Variants in ATP10B observed in about 807,000 individuals in gnomAD.
ATP10B encodes the protein ATPase phospholipid transporting 10B (putative), also known as phospholipid-transporting ATPase VB.
A neutral mutation model predicts 141.2 loss-of-function variants in ATP10B; 122 were observed. The ratio of observed to expected loss-of-function variants is 0.86; its 90% confidence interval spans 0.75 to 1.00. The LOEUF (loss-of-function observed/expected upper bound fraction) is 1.00, where lower values mean the gene tolerates loss of function less well. ATP10B is among the 50% of genes least tolerant of loss of function. The pLI is 0.00. For missense variants in ATP10B, 1,876 were observed against 1,825.3 expected (o/e 1.03, Z -0.51); for synonymous variants, 685 against 692.0 (o/e 0.99, Z 0.16).
chr5:160,922,667 GAAA>G, the ATP10B span, among the ~76,000 whole-genome samples: 4 of 152,146 alleles, frequency 2.6e-5, no homozygotes, highest in African/African-American at 9.7e-5. Context: ...AAACCAATCT[GAAA>G]AACAAATCTG....
rs976171697 is a variant in ATP10B, at chr5:160,654,812, T to C, written c.676-5556A>G. 6.6e-5 allele frequency among the ~76,000 whole-genome samples: 10 copies of C among 152,222 alleles called. 1 individual carries two copies. Among genetic ancestry groups the C allele is most frequent in the African/African-American group, 2.4e-4 (10 of 41,456 alleles). On this transcript the variant is annotated intron_variant, in intron 7 of 25. Coordinates refer to ENST00000327245, the MANE Select transcript of ATP10B (RefSeq NM_025153.3). ...AAGAATCAACTAAGTATTTTATACATGCCATCTTCTTTGATTCTGACAATA... is the reference window on the plus strand; with the variant it reads ...AAGAATCAACTAAGTATTTTATACACGCCATCTTCTTTGATTCTGACAATA...
chr5:160,738,445 GA>G (rs1248184615), intron 2 of ATP10B, among the ~76,000 whole-genome samples: 12 of 152,124 alleles, frequency 7.9e-5, no homozygotes, highest in African/African-American at 2.4e-4. Context: ...TGAGGCATAA[GA>G]AATGGAGATA....
chr5:160,716,301 T>A (rs1765656148), intron 3 of ATP10B, among the ~76,000 whole-genome samples: 1 of 152,248 alleles, frequency 6.6e-6, no homozygotes, highest in Non-Finnish European at 1.5e-5. Context: ...TTAACTATTA[T>A]TTTGCTGTAA....
chr5:160,623,293 T>G (rs555835038), intron 13 of ATP10B, among the ~76,000 whole-genome samples: 1 of 152,316 alleles, frequency 6.6e-6, no homozygotes, highest in East Asian at 1.9e-4. Flanking sequence ...TGAACCACAA[T>G]AGCAGATTCT....
chr5:160,763,528 A>C (rs11956165), intron 2 of ATP10B, among the ~76,000 whole-genome samples: 90,324 of 151,836 alleles, frequency 0.59, 27,493 homozygotes, highest in African/African-American at 0.72. Context: ...AATAGTGACA[A>C]AACCTATCAA....
At chr5:160,697,879 G>A (rs1388776463) in intron 3 of ATP10B, among the ~76,000 whole-genome samples, 4 of 152,082 alleles carry the variant, frequency 2.6e-5, no homozygotes, top group Non-Finnish European at 2.9e-5. Flanking sequence ...TTTAACCCCC[G>A]ATTGGTTTTC....
At chr5:160,692,567 G>A (rs780492501) in intron 3 of ATP10B, 10 of 152,186 alleles carry the variant, frequency 6.6e-5, no homozygotes, top group Non-Finnish European at 1.3e-4. Flanking sequence ...TTTTGTTTAA[G>A]ATTGAGTTTC....
At chr5:160,626,198 C>T (rs1240181464) in intron 13 of ATP10B, among the ~76,000 whole-genome samples, 1 of 152,234 alleles carries the variant, frequency 6.6e-6, no homozygotes, top group Non-Finnish European at 1.5e-5. Flanking sequence ...ATTTGTGGGG[C>T]CACCAGTTTT....
intron 7 of ATP10B, among the ~76,000 whole-genome samples, chr5:160,658,572 T>C (rs1761666489): frequency 6.6e-6 from 1 of 152,208 alleles, no homozygotes; most frequent in African/African-American, 2.4e-5. Context: ...ACAGAGTCCT[T>C]TGTTTCTGGC....
upstream of ATP10B, among the ~76,000 whole-genome samples, chr5:160,856,162 A>G (rs1581659031): frequency 6.6e-6 from 1 of 151,892 alleles, no homozygotes; most frequent in African/African-American, 2.4e-5. Flanking sequence ...CTAATTTGGG[A>G]AAAATGGACA....
In ATP10B at chr5:160,762,069, G is replaced by A. The variant is rs146647731; in HGVS notation, c.-331+23490C>T. Among the ~76,000 whole-genome samples the A allele has an allele frequency of 2.3e-3, 349 of 152,314 alleles. 1 individual carries two copies. Among genetic ancestry groups the A allele is most frequent in the Non-Finnish European group, 3.1e-3 (210 of 68,022 alleles). On this transcript the variant is annotated intron_variant, in intron 2 of 25. Coordinates refer to ENST00000327245, the MANE Select transcript of ATP10B (RefSeq NM_025153.3). ...AAGCTTCCAAGAAATTTGGGATTATGTTAAACAACCAAACATAAGAATAAT... is the reference window on the plus strand; with the variant it reads ...AAGCTTCCAAGAAATTTGGGATTATATTAAACAACCAAACATAAGAATAAT...
the ATP10B span, among the ~76,000 whole-genome samples, chr5:160,905,357 C>G: frequency 6.6e-6 from 1 of 152,192 alleles, no homozygotes; most frequent in Non-Finnish European, 1.5e-5. Context: ...TTAATCCAGC[C>G]TCTGCCATTT....
At chr5:160,585,067 ATTTCTTC>A (rs1755801103) in intron 24 of ATP10B, among the ~76,000 whole-genome samples, 1 of 152,308 alleles carries the variant, frequency 6.6e-6, no homozygotes, top group African/African-American at 2.4e-5. Context: ...CTCAATGACA[ATTTCTTC>A]AAATATTGCT....
intron 6 of ATP10B, among the ~76,000 whole-genome samples, chr5:160,679,786 A>G (rs917687436): frequency 3.3e-5 from 5 of 152,202 alleles, no homozygotes; most frequent in African/African-American, 1.2e-4. Flanking sequence ...TTTCATTACA[A>G]TAAGGAACCA....
intron 22 of ATP10B, among the ~76,000 whole-genome samples, 194 bp downstream of exon 22, chr5:160,598,576 C>A (rs891447948): frequency 5.3e-5 from 8 of 151,942 alleles, no homozygotes; most frequent in Non-Finnish European, 1.2e-4. Flanking sequence ...ACTAGTCTGG[C>A]CCAACACCCT....
intron 1 of ATP10B, among the ~76,000 whole-genome samples, chr5:160,846,648 T>C (rs563668568): frequency 6.6e-6 from 1 of 152,290 alleles, no homozygotes; most frequent in South Asian, 2.1e-4. Flanking sequence ...TATCCAGCGC[T>C]TAGTAGGTAC....
chr5:160,647,073 C>A (rs900697491), intron 8 of ATP10B, among the ~76,000 whole-genome samples: 1 of 152,130 alleles, frequency 6.6e-6, no homozygotes, highest in Non-Finnish European at 1.5e-5. Flanking sequence ...TGGTGATTGT[C>A]CCTGGTTGAG....
intron 1 of ATP10B, among the ~76,000 whole-genome samples, chr5:160,822,783 C>T (rs1774206300): frequency 6.6e-6 from 1 of 151,418 alleles, no homozygotes; most frequent in African/African-American, 2.4e-5. Flanking sequence ...TTCACATATT[C>T]TCACTTATTT....
chr5:160,607,244 A>G (rs1757446996), intron 18 of ATP10B, among the ~76,000 whole-genome samples, 158 bp from the exon 19 acceptor site: 1 of 152,204 alleles, frequency 6.6e-6, no homozygotes, highest in African/African-American at 2.4e-5. Context: ...GCAATATTTG[A>G]CATAATATCA....
Sources: allele counts gnomAD v4.1 joint callset (sites outside exome capture counted in the v4.1 genomes callset), GRCh38; gene constraint gnomAD v4.1.1; transcripts MANE v1.5; gene names NCBI Gene and HGNC (gene_info 2026-07-23, HGNC 2026-07-21).